The following ANKRD18B variants were observed in gnomAD, a reference collection of about 807,000 sequenced individuals.
ANKRD18B encodes ankyrin repeat domain-containing protein 18B.
In ANKRD18B, 75 loss-of-function variants were observed where a neutral mutation model predicts 111.8. The ratio of observed to expected loss-of-function variants is 0.67; its 90% CI spans 0.56 to 0.81. ANKRD18B has a LOEUF of 0.81. Among genes scored for constraint, ANKRD18B ranks in the 40% least tolerant of loss-of-function variants. The pLI is 0.00. For synonymous variants in ANKRD18B, 356 were observed against 417.3 expected (o/e 0.85, Z 1.79); for missense variants, 1,038 against 1,225.5 (o/e 0.85, Z 2.28).
intron 12 of ANKRD18B, among the ~76,000 whole-genome samples, chr9:33,551,867 C>G (rs563098155): frequency 6.6e-6 from 1 of 152,330 alleles, no homozygotes; most frequent in South Asian, 2.1e-4. Context: ...TCATTCAGAC[C>G]TGACAGGCAA....
intron 17 of ANKRD18B, among the ~76,000 whole-genome samples, chr9:33,570,256 T>C (rs758646772): frequency 6.6e-6 from 1 of 152,160 alleles, no homozygotes; most frequent in Non-Finnish European, 1.5e-5. Context: ...TAGGTGCCCA[T>C]TGACATAAAC....
chr9:33,563,296 T>G (rs1828633883), intron 14 of ANKRD18B, among the ~76,000 whole-genome samples: 1 of 152,182 alleles, frequency 6.6e-6, no homozygotes, highest in Non-Finnish European at 1.5e-5. Flanking sequence ...AACCTGTGGT[T>G]TGGAAAAAGA....
At chr9:33,549,441 G>A (rs547248603) in intron 11 of ANKRD18B, among the ~76,000 whole-genome samples, 69 of 152,206 alleles carry the variant, frequency 4.5e-4, no homozygotes, top group African/African-American at 1.4e-3. Context: ...GAAATGTAAC[G>A]TCTTTATGTT....
intron 3 of ANKRD18B, among the ~76,000 whole-genome samples, chr9:33,530,527 C>CAAAAAA (rs34371607): frequency 3.6e-5 from 3 of 82,982 alleles, no homozygotes; most frequent in African/African-American, 1.4e-4. Context: ...ACAACAAGAG[C>CAAAAAA]AAAAAAAAAA....
chr9:33,541,315 C>G, intron 9 of ANKRD18B, 88 bp downstream of exon 9: 1 of 1,480,038 alleles, frequency 6.8e-7, no homozygotes, highest in Non-Finnish European at 8.9e-7. Context: ...GTATAGTTTC[C>G]TTGTCACAAA....
intron 17 of ANKRD18B, among the ~76,000 whole-genome samples, chr9:33,570,475 TTACTA>T (rs1208653500): frequency 1.3e-5 from 2 of 151,744 alleles, no homozygotes; most frequent in African/African-American, 2.4e-5. Flanking sequence ...AAAGAAAACT[TTACTA>T]TACATATTTT....
At chr9:33,554,168 A>T (rs1828488474) in intron 12 of ANKRD18B, among the ~76,000 whole-genome samples, 1 of 150,588 alleles carries the variant, frequency 6.6e-6, no homozygotes, top group African/African-American at 2.5e-5. Flanking sequence ...AGAAAGAGAG[A>T]AAGAAAGAAG....
At chr9:33,562,864 T>C (rs112926249) in intron 14 of ANKRD18B, among the ~76,000 whole-genome samples, 1 of 152,240 alleles carries the variant, frequency 6.6e-6, no homozygotes, top group African/African-American at 2.4e-5. Flanking sequence ...GATTAATAAA[T>C]ACTCAAAGCT....
chr9:33,525,752 ACT>A (rs1828016944), intron 1 of ANKRD18B, among the ~76,000 whole-genome samples: 4 of 150,248 alleles, frequency 2.7e-5, no homozygotes, highest in Admixed American at 2.7e-4. Context: ...ATATATTTTT[ACT>A]AATATATAAA....
chr9:33,537,977 TGAG>T (rs918013706), intron 6 of ANKRD18B, among the ~76,000 whole-genome samples: 5 of 152,200 alleles, frequency 3.3e-5, no homozygotes, highest in African/African-American at 1.2e-4. Context: ...TTGATTAGGC[TGAG>T]GAGGAAGAAA....
intron 9 of ANKRD18B, 109 bp downstream of exon 9, chr9:33,541,336 A>G (rs1828276581): frequency 7.1e-7 from 1 of 1,413,520 alleles, no homozygotes; most frequent in South Asian, 1.5e-5. Flanking sequence ...TCCATGGAGT[A>G]CATCAGTCTA....
At chr9:33,564,918 G>C (rs1233953862) in intron 14 of ANKRD18B, among the ~76,000 whole-genome samples, 5 of 152,094 alleles carry the variant, frequency 3.3e-5, no homozygotes, top group East Asian at 1.9e-4. Flanking sequence ...TTTGTTTACT[G>C]TCAGGGTGTT....
At position 33,568,775 on chromosome 9, in the gene ANKRD18B, C is replaced by T. The variant is rs1464876723; in HGVS notation, c.3059C>T (p.Pro1020Leu). 1.3e-6 allele frequency: 2 copies of T among 1,551,372 alleles called. No individual in the cohort carries two copies. Among genetic ancestry groups the T allele is most frequent in the Non-Finnish European group, 1.7e-6 (2 of 1,146,766 alleles). The change falls in exon 17 of 19, where the codon CCT becomes CTT. Residue 1020 changes from proline (P) to leucine (L), a missense_variant. By Grantham distance (98) the Pro-to-Leu change is moderately conservative. Around this residue, in one of 4 missense-constraint regions of ANKRD18B, gnomAD observed 524 missense variants for 677.9 expected, o/e 0.77. Coordinates refer to ENST00000684830, the MANE Select transcript of ANKRD18B (RefSeq NM_001393611.1). Reference sequence around the variant, plus strand: ...CCTATGAGGCCAGACCCAGAGTTACCTTGTGTTGAAAATCTTAATAGTATA... The same window carrying T: ...CCTATGAGGCCAGACCCAGAGTTACTTTGTGTTGAAAATCTTAATAGTATA... ...TLPMRPDPELPCVENLNSIEL... is the reference protein window; with the variant it reads ...TLPMRPDPELLCVENLNSIEL...
At chr9:33,541,557 G>A (rs573373158) in intron 9 of ANKRD18B, among the ~76,000 whole-genome samples, 41 of 152,250 alleles carry the variant, frequency 2.7e-4, no homozygotes, top group African/African-American at 8.9e-4. Flanking sequence ...CTGTAACTTG[G>A]TGTGGTGTTC....
intron 12 of ANKRD18B, among the ~76,000 whole-genome samples, chr9:33,552,483 G>C (rs1376092739): frequency 6.6e-6 from 1 of 152,154 alleles, no homozygotes; most frequent in East Asian, 1.9e-4. Context: ...TAGCAATAGA[G>C]TCCAGGGTTT....
chr9:33,525,505 A>G (rs193092550), intron 1 of ANKRD18B, among the ~76,000 whole-genome samples: 18 of 152,298 alleles, frequency 1.2e-4, no homozygotes, highest in African/African-American at 4.1e-4. Flanking sequence ...TTATGTCACA[A>G]AAATGAGTTC....
chr9:33,524,993 C>A (rs149069823), intron 1 of ANKRD18B, among the ~76,000 whole-genome samples: 3,047 of 152,272 alleles, frequency 0.02, 86 homozygotes, highest in African/African-American at 0.068. Flanking sequence ...TTTCAGTAGG[C>A]GAAGAGTTCT....
chr9:33,538,350 GA>G (rs1339413343), intron 6 of ANKRD18B, among the ~76,000 whole-genome samples: 5 of 152,138 alleles, frequency 3.3e-5, no homozygotes, highest in African/African-American at 4.8e-5. Context: ...CCATAAGGTG[GA>G]ACCTCATGAG....
chr9:33,548,732 CAG>C lies in ANKRD18B; in HGVS notation c.1948_1949del (p.Asp650LeufsTer3), dbSNP rs1171824482. 3.2e-6 allele frequency: 5 copies of C among 1,550,756 alleles called. No homozygotes were observed. ...DNKEIVINIH[R>X]DCLENGKEDL... is the part of the protein sequence containing the mutation. ...ATAAAGAGATAGTCATTAATATCCACAGAGACTGTCTTGAGAATGGAAAGGAA... is the reference window on the plus strand; with the variant it reads ...ATAAAGAGATAGTCATTAATATCCACAGACTGTCTTGAGAATGGAAAGGAA... On this transcript the variant is annotated frameshift_variant, in exon 11 of 19. Coordinates refer to ENST00000684830, the MANE Select transcript of ANKRD18B (RefSeq NM_001393611.1). LOFTEE classifies it high-confidence loss of function.
Sources: gnomAD v4.1 joint callset for allele counts (sites outside exome capture counted in the v4.1 genomes callset) on GRCh38, gnomAD v4.1.1 for gene constraint, gnomAD v4.1.1 regional missense constraint, MANE v1.5 for transcripts, NCBI Gene and HGNC (gene_info 2026-07-23, HGNC 2026-07-21) for gene names.